Variants in EXOC6B observed in about 807,000 individuals in gnomAD.
EXOC6B encodes exocyst complex component 6B, also known as SEC15 homolog B.
In EXOC6B, 54 loss-of-function variants were observed where a neutral mutation model predicts 113.5. That is an observed-to-expected ratio of 0.48 (90% CI 0.38 to 0.60). EXOC6B has a LOEUF of 0.60. Among genes scored for constraint, EXOC6B ranks in the 20% least tolerant of loss-of-function variants. The probability of loss-of-function intolerance (pLI) is 0.00; values close to 1 mark genes in which losing one functional copy is unlikely to be tolerated. For synonymous variants in EXOC6B, 357 were observed against 339.0 expected (o/e 1.05, Z -0.58); for missense variants, 797 against 977.5 (o/e 0.82, Z 2.46).
intron 18 of EXOC6B, among the ~76,000 whole-genome samples, chr2:72,390,084 C>T (rs994500500): frequency 5.3e-5 from 8 of 152,112 alleles, no homozygotes; most frequent in African/African-American, 1.9e-4. Context: ...GACTCTGTCT[C>T]AACAACAACG....
chr2:72,189,988 A>G (rs1170108409), intron 20 of EXOC6B, among the ~76,000 whole-genome samples: 1 of 146,886 alleles, frequency 6.8e-6, no homozygotes, highest in Non-Finnish European at 1.5e-5. Context: ...AGCTGGGACT[A>G]CATCTTTTCC....
chr2:72,514,189 T>C lies in EXOC6B; in HGVS notation c.1046+445A>G, dbSNP rs114984562. Among the ~76,000 whole-genome samples, 1,505 of 152,206 alleles carry C rather than the reference T, an allele frequency of 9.9e-3. 39 individuals are homozygous for C. Among genetic ancestry groups the C allele is most frequent in the African/African-American group, 0.035 (1,440 of 41,546 alleles). On this transcript the variant is annotated intron_variant, in intron 10 of 21. Coordinates refer to ENST00000272427, the MANE Select transcript of EXOC6B (RefSeq NM_015189.3). ...ATGCTCATCATTTACGTATCATCTATAGCTACTTTTGCACTATAACAACAG... is the reference window on the plus strand; with the variant it reads ...ATGCTCATCATTTACGTATCATCTACAGCTACTTTTGCACTATAACAACAG...
Position 72,731,053 on chromosome 2 carries a change from C to G in EXOC6B, c.419-1G>C. On this transcript the variant is annotated splice_acceptor_variant, in intron 4 of 21. Transcript: ENST00000272427. LOFTEE classifies it high-confidence loss of function. ...CTCAGTTTGCTGTACATCTCTAGGA[C>G]TTAAAAGAAAGAAAAGAATACACAA... 1 of 1,552,274 alleles carries G rather than the reference C, an allele frequency of 6.4e-7. No homozygotes were observed. Among genetic ancestry groups the G allele is most frequent in the Non-Finnish European group, 8.7e-7 (1 of 1,149,302 alleles).
chr2:72,773,120 C>CTTTTTTTT lies in EXOC6B; in HGVS notation c.114-31659_114-31652dup, dbSNP rs1254377634. ...GCTAAGACAGTAGACCTTAGATTTT[C>CTTTTTTTT]TTTTTTTTTTTTTTTTTTTTTTGTG... On this transcript the variant is annotated intron_variant, in intron 1 of 21. Coordinates refer to ENST00000272427, the MANE Select transcript of EXOC6B (RefSeq NM_015189.3). Among the ~76,000 whole-genome samples the CTTTTTTTT allele has an allele frequency of 1.3e-3, 124 of 94,890 alleles. 13 individuals carry two copies. Among genetic ancestry groups the CTTTTTTTT allele is most frequent in the African/African-American group, 5.5e-3 (117 of 21,322 alleles). The allele number at this position is 94,890 out of a possible 152,430, so 62.3% of individuals were successfully genotyped here. A position where few individuals can be genotyped will look rare whatever the true frequency, so the allele number is the denominator to read the frequency against.
At chr2:72,678,621 G>C (rs995466671) in intron 6 of EXOC6B, among the ~76,000 whole-genome samples, 1 of 152,116 alleles carries the variant, frequency 6.6e-6, no homozygotes, top group African/African-American at 2.4e-5. Flanking sequence ...CACAAGAATT[G>C]CTTGAGCCCA....
At chr2:72,474,317 A>G (rs1212400107) in intron 17 of EXOC6B, among the ~76,000 whole-genome samples, 2 of 152,054 alleles carry the variant, frequency 1.3e-5, no homozygotes, top group Non-Finnish European at 1.5e-5. Context: ...CACTCATTGG[A>G]CTTGAGAAAT....
chr2:72,201,453 T>C (rs1278964675), intron 20 of EXOC6B, among the ~76,000 whole-genome samples: 2 of 152,072 alleles, frequency 1.3e-5, no homozygotes, highest in African/African-American at 4.8e-5. Context: ...TAGCAGGCCA[T>C]TTAGTGAACC....
intron 1 of EXOC6B, among the ~76,000 whole-genome samples, chr2:72,752,088 T>A (rs1279421367): frequency 6.6e-6 from 1 of 152,136 alleles, no homozygotes; most frequent in Non-Finnish European, 1.5e-5. Context: ...ATTCTTCCAT[T>A]ACTTACAGCA....
chr2:72,792,779 T>C (rs1684744751), intron 1 of EXOC6B, among the ~76,000 whole-genome samples: 1 of 152,190 alleles, frequency 6.6e-6, no homozygotes, highest in African/African-American at 2.4e-5. Flanking sequence ...AGTATCTCTC[T>C]CCAATCACTA....
intron 18 of EXOC6B, among the ~76,000 whole-genome samples, chr2:72,452,888 T>C (rs1367115508): frequency 2.0e-5 from 3 of 152,194 alleles, no homozygotes; most frequent in African/African-American, 7.2e-5. Context: ...GCTGCTCTTC[T>C]TTATAATGAT....
chr2:72,756,845 G>A (rs574380468), intron 1 of EXOC6B, among the ~76,000 whole-genome samples: 12 of 152,198 alleles, frequency 7.9e-5, no homozygotes, highest in African/African-American at 2.4e-4. Flanking sequence ...AAAGGAAGAT[G>A]AGTAAAAGGA....
At chr2:72,655,567 T>C (rs991188059) in intron 6 of EXOC6B, among the ~76,000 whole-genome samples, 8 of 152,062 alleles carry the variant, frequency 5.3e-5, no homozygotes, top group African/African-American at 1.9e-4. Flanking sequence ...ATAAACTCCA[T>C]TTAATGTAAA....
At chr2:72,584,075 A>T (rs1046334699) in intron 6 of EXOC6B, among the ~76,000 whole-genome samples, 1 of 152,124 alleles carries the variant, frequency 6.6e-6, no homozygotes, top group Non-Finnish European at 1.5e-5. Context: ...GCTACCACAA[A>T]AGTATACTTA....
At chr2:72,292,095 T>C (rs1376797007) in intron 20 of EXOC6B, among the ~76,000 whole-genome samples, 1 of 152,052 alleles carries the variant, frequency 6.6e-6, no homozygotes, top group Non-Finnish European at 1.5e-5. Context: ...CACAGATTCC[T>C]TGGCTTAATT....
chr2:72,440,919 TA>T (rs559924354), intron 18 of EXOC6B, among the ~76,000 whole-genome samples: 96 of 148,478 alleles, frequency 6.5e-4, no homozygotes, highest in African/African-American at 2.0e-3. Context: ...CAACAAAGAT[TA>T]AAAAAAAAAG....
chr2:72,707,284 A>C (rs1214173005), intron 6 of EXOC6B, among the ~76,000 whole-genome samples: 2 of 152,208 alleles, frequency 1.3e-5, no homozygotes, highest in Admixed American at 1.3e-4. Context: ...TAAACCTGGA[A>C]TATCTTACAC....
At chr2:72,724,034 G>T (rs778140741) in intron 5 of EXOC6B, among the ~76,000 whole-genome samples, 1 of 152,152 alleles carries the variant, frequency 6.6e-6, no homozygotes, top group Non-Finnish European at 1.5e-5. Flanking sequence ...AGTGATAGTA[G>T]CTCAGGAAAG....
intron 2 of EXOC6B, among the ~76,000 whole-genome samples, chr2:72,734,542 C>T (rs1219188390): frequency 2.0e-5 from 3 of 152,134 alleles, no homozygotes; most frequent in Non-Finnish European, 4.4e-5. Flanking sequence ...TGTAACTATT[C>T]AACTCTACCT....
At chr2:72,482,286 C>T (rs1397861850) in intron 16 of EXOC6B, among the ~76,000 whole-genome samples, 1 of 152,078 alleles carries the variant, frequency 6.6e-6, no homozygotes, top group Non-Finnish European at 1.5e-5. Flanking sequence ...AACTATTAAA[C>T]CATAAAAATG....
Sources: allele counts gnomAD v4.1 joint callset (sites outside exome capture counted in the v4.1 genomes callset), GRCh38; gene constraint gnomAD v4.1.1; transcripts MANE v1.5; gene names NCBI Gene and HGNC (gene_info 2026-07-23, HGNC 2026-07-21).